The following ATP2B2 variants were observed in gnomAD, a reference collection of about 807,000 sequenced individuals.
ATP2B2 encodes the protein ATPase plasma membrane Ca2+ transporting 2.
A neutral mutation model predicts 120.0 loss-of-function variants in ATP2B2; 15 were observed. The observed-to-expected ratio is 0.12, with a 90% CI of 0.08 to 0.19. The LOEUF is 0.19. Ranked by LOEUF, ATP2B2 falls within the 10% of genes least tolerant of loss-of-function variation. The pLI is 1.00. For synonymous variants in ATP2B2, 694 were observed against 700.3 expected (o/e 0.99, Z 0.14); for missense variants, 1,045 against 1,719.8 (o/e 0.61, Z 6.94).
chr3:10,409,175 T>C (rs2062520686), intron 3 of ATP2B2, among the ~76,000 whole-genome samples: 1 of 152,238 alleles, frequency 6.6e-6, no homozygotes. Flanking sequence ...CGTCATGTAC[T>C]ACCTTCTTTC....
chr3:10,358,369 G>A (rs886306363), intron 14 of ATP2B2, among the ~76,000 whole-genome samples: 10 of 152,220 alleles, frequency 6.6e-5, no homozygotes, highest in African/African-American at 1.4e-4. Context: ...CTAAGGCAGG[G>A]CAGCCCCTAC....
At chr3:10,632,103 G>A (rs2069880569) in intron 1 of ATP2B2, among the ~76,000 whole-genome samples, 1 of 152,238 alleles carries the variant, frequency 6.6e-6, no homozygotes, top group Non-Finnish European at 1.5e-5. Context: ...AGTGGGGCAG[G>A]AGCCATGGGC....
chr3:10,619,670 T>G (rs554933777), intron 2 of ATP2B2, among the ~76,000 whole-genome samples: 97 of 152,342 alleles, frequency 6.4e-4, no homozygotes, highest in Non-Finnish European at 1.8e-4. Context: ...TCAGACCTGC[T>G]TCTGCCTTTA....
In ATP2B2 at chr3:10,448,695, C is replaced by G. The variant is rs562106195; in HGVS notation, c.199+650G>C. ...CCTTCCTATCACATCCATCTTCCTACTGCTTTGTCTGCCCAGCAACCCTAG... is the reference window on the plus strand; with the variant it reads ...CCTTCCTATCACATCCATCTTCCTAGTGCTTTGTCTGCCCAGCAACCCTAG... On this transcript the variant is annotated intron_variant, in intron 2 of 22. Transcript: ENST00000360273. 2.3e-4 allele frequency among the ~76,000 whole-genome samples: 35 copies of G among 152,374 alleles called. 1 individual carries two copies. Among genetic ancestry groups the G allele is most frequent in the South Asian group, 2.3e-3 (11 of 4,830 alleles).
Position 10,402,414 on chromosome 3 carries a change from A to G in ATP2B2, c.398-66T>C. The G allele has an allele frequency of 6.3e-7, 1 of 1,596,876 alleles. No homozygotes were observed. The highest frequency in any genetic ancestry group is 2.2e-5 in the East Asian group (1 of 44,854). On this transcript the variant is annotated intron_variant, in intron 3 of 22. Transcript: ENST00000360273. The surrounding 1 kb of genome is among the most constrained non-coding windows in gnomAD (Gnocchi z 4.9). Reference sequence around the variant, plus strand: ...GACAGGAGAGGCCTCATGGGCCTGGATTTACAGCTCAGCTCTGCAAAGTAA... The same window carrying G: ...GACAGGAGAGGCCTCATGGGCCTGGGTTTACAGCTCAGCTCTGCAAAGTAA...
rs767441645 is a variant in ATP2B2, at chr3:10,345,477, G to A, written c.2610C>T (p.Asn870=). The A allele has an allele frequency of 1.7e-5, 27 of 1,614,094 alleles. No homozygotes were observed. The African/African-American group carries it at 2.1e-4, about 13-fold the overall frequency. ...SIVKAVMWGR[N]VYDSISKFLQ... ...AGAATTTGGAGATGCTGTCATAGAC[G>A]TTGCGGCCCCACATCACTGCCTTGA... is the stretch of plus-strand genomic sequence containing the variant. Residue 870 remains asparagine, a synonymous_variant, in exon 18 of 23, where the codon AAC becomes AAT. Coordinates refer to ENST00000360273, the MANE Select transcript of ATP2B2 (RefSeq NM_001001331.4).
At chr3:10,607,904 C>T (rs986828691) in intron 2 of ATP2B2, among the ~76,000 whole-genome samples, 2 of 152,134 alleles carry the variant, frequency 1.3e-5, no homozygotes, top group Admixed American at 6.5e-5. Flanking sequence ...GAAGTCAGGT[C>T]CCAGTGTGAC....
chr3:10,694,978 G>C (rs185225148), intron 1 of ATP2B2, among the ~76,000 whole-genome samples: 4 of 152,028 alleles, frequency 2.6e-5, no homozygotes, highest in African/African-American at 9.7e-5. Flanking sequence ...GGCTGCTTGT[G>C]ATTAAAAGGG....
At chr3:10,545,406 G>A (rs1171715481) in intron 2 of ATP2B2, among the ~76,000 whole-genome samples, 1 of 152,110 alleles carries the variant, frequency 6.6e-6, no homozygotes, top group Non-Finnish European at 1.5e-5. Context: ...GTGGGTGCCT[G>A]TAATCCCAGT....
chr3:10,547,400 G>T (rs2067573338), intron 2 of ATP2B2, among the ~76,000 whole-genome samples: 1 of 152,124 alleles, frequency 6.6e-6, no homozygotes, highest in Admixed American at 6.5e-5. Context: ...CACATTCCTG[G>T]CCCTTGAGGA....
At chr3:10,445,893 T>C (rs1473978603) in intron 2 of ATP2B2, among the ~76,000 whole-genome samples, 1 of 152,090 alleles carries the variant, frequency 6.6e-6, no homozygotes, top group Non-Finnish European at 1.5e-5. Flanking sequence ...GCCAAGGATT[T>C]CTCTAAATCA....
At chr3:10,597,074 C>G (rs1257378594) in intron 2 of ATP2B2, among the ~76,000 whole-genome samples, 1 of 149,468 alleles carries the variant, frequency 6.7e-6, no homozygotes, top group African/African-American at 2.5e-5. Context: ...CACACACACA[C>G]ACACACACAC....
At chr3:10,548,936 C>A (rs148651285) in intron 2 of ATP2B2, among the ~76,000 whole-genome samples, 194 of 152,322 alleles carry the variant, frequency 1.3e-3, no homozygotes, top group Non-Finnish European at 2.6e-3. Flanking sequence ...GAAGATGGAA[C>A]TAAGAGTGAG....
intron 18 of ATP2B2, 146 bp downstream of exon 18, chr3:10,345,238 C>T: frequency 2.2e-6 from 2 of 904,884 alleles, no homozygotes; most frequent in Non-Finnish European, 3.3e-6. Context: ...TGATGCAGTT[C>T]CTGGCCCCCA....
Position 10,449,385 on chromosome 3 carries a change from G to A in ATP2B2, c.159C>T (p.Thr53=), listed in dbSNP as rs184856278. 1.5e-5 allele frequency: 25 copies of A among 1,614,194 alleles called. No individual in the cohort carries two copies. The highest frequency in any genetic ancestry group is 8.8e-5 in the South Asian group (8 of 91,080). The change falls in exon 2 of 23, where the codon ACC becomes ACT. Residue 53 remains threonine (T), a synonymous_variant. Transcript: ENST00000360273. The stretch of plus-strand genomic sequence containing the variant: ...TTTTGAGGCGCCGGCAGATGGCTTC[G>A]GTGTCCCCATAAGTCTCCTTGATCT... ...VVKIKETYGD[T]EAICRRLKTS... is the part of the protein sequence containing the mutation.
intron 2 of ATP2B2, among the ~76,000 whole-genome samples, chr3:10,610,883 A>T (rs4684722): frequency 6.6e-6 from 1 of 151,836 alleles, no homozygotes; most frequent in Non-Finnish European, 1.5e-5. Context: ...GCATGCCAAG[A>T]GACTGTGTCA....
At chr3:10,661,244 C>A in intron 1 of ATP2B2, among the ~76,000 whole-genome samples, 1 of 151,908 alleles carries the variant, frequency 6.6e-6, no homozygotes. Context: ...GAAGTTCTGG[C>A]GAGGGCAATC....
chr3:10,578,839 T>C (rs2068316914), intron 2 of ATP2B2, among the ~76,000 whole-genome samples: 1 of 152,168 alleles, frequency 6.6e-6, no homozygotes, highest in Admixed American at 6.5e-5. Flanking sequence ...TCCATTTATA[T>C]GAGGTTCCAG....
rs1014803559 is a variant in ATP2B2, at chr3:10,635,503, CTCTAAAGCCCA to C, written c.-459-15553_-459-15543del. Among the ~76,000 whole-genome samples, 14 of 152,320 alleles carry C rather than the reference CTCTAAAGCCCA, an allele frequency of 9.2e-5. No homozygotes were observed. The highest frequency in any genetic ancestry group is 3.4e-4 in the African/African-American group (14 of 41,574). Reference sequence around the variant, plus strand: ...CTCCATCCTGCTTACGTGCCAGAGACTCTAAAGCCCATCCTGTTCCCCTCTCCCTCTCCAGT... The same window carrying C: ...CTCCATCCTGCTTACGTGCCAGAGACTCCTGTTCCCCTCTCCCTCTCCAGT... On this transcript the variant is annotated intron_variant, in intron 1 of 21. Transcript: ENST00000646379. The surrounding 1 kb of genome is among the most constrained non-coding windows in gnomAD (Gnocchi z 4.3).
Sources: allele counts gnomAD v4.1 joint callset (sites outside exome capture counted in the v4.1 genomes callset), GRCh38; gene constraint gnomAD v4.1.1; non-coding constraint Gnocchi (gnomAD v3.1); transcripts MANE v1.5; gene names NCBI Gene and HGNC (gene_info 2026-07-23, HGNC 2026-07-21).